TPO: variants seen among roughly 807,000 people sequenced by gnomAD.
The protein encoded by TPO is thyroid peroxidase.
Under a neutral mutation model 96.9 loss-of-function variants are expected in TPO, and 78 were observed. That is an observed-to-expected ratio of 0.81 (90% CI 0.67 to 0.97). The LOEUF is 0.97. Among genes scored for constraint, TPO ranks in the 50% least tolerant of loss-of-function variants. The pLI, the probability that TPO is intolerant of heterozygous loss-of-function variation, is 0.00. For missense variants in TPO, 1,252 were observed against 1,274.8 expected (o/e 0.98, Z 0.27); for synonymous variants, 547 against 538.0 (o/e 1.02, Z -0.23).
At chr2:1,478,187 A>G (rs967239666) in intron 8 of TPO, 76 of 985,308 alleles carry the variant, frequency 7.7e-5, no homozygotes, top group Non-Finnish European at 9.2e-5. Context: ...ATCACATGAG[A>G]GGGTCTTGAA....
chr2:1,524,919 C>A (rs534014050), intron 15 of TPO, among the ~76,000 whole-genome samples: 1 of 136,412 alleles, frequency 7.3e-6, no homozygotes, highest in Non-Finnish European at 1.6e-5. Flanking sequence ...AAATCTCCCC[C>A]GCTGTGTGCA....
chr2:1,446,863 GA>G, intron 5 of TPO, among the ~76,000 whole-genome samples: 1 of 152,158 alleles, frequency 6.6e-6, no homozygotes, highest in Admixed American at 6.5e-5. Flanking sequence ...TTTCTCTGAA[GA>G]ATGTGAAGGT....
chr2:1,378,269 G>T (rs186478801), intron 1 of TPO, among the ~76,000 whole-genome samples: 1 of 152,336 alleles, frequency 6.6e-6, no homozygotes, highest in East Asian at 1.9e-4. Context: ...CCCTTACGTT[G>T]CTGGAGAGCG....
Position 1,488,472 on chromosome 2 carries a change from CT to C in TPO, c.1768+482del, listed in dbSNP as rs753157883. Among the ~76,000 whole-genome samples, 77 of 152,180 alleles carry C rather than the reference CT, an allele frequency of 5.1e-4. 1 individual carries two copies. The highest frequency in any genetic ancestry group is 2.3e-3 in the Admixed American group (35 of 15,288). On this transcript the variant is annotated intron_variant, in intron 10 of 16. Coordinates refer to ENST00000329066, the MANE Select transcript of TPO (RefSeq NM_001206744.2). ...CTGCTCCTCTCAGGCCAGCAGCCCCCTGTGCTCCCCACACCCCACCCGGCTC... is the reference window on the plus strand; with the variant it reads ...CTGCTCCTCTCAGGCCAGCAGCCCCCGTGCTCCCCACACCCCACCCGGCTC...
At chr2:1,498,923 A>C (rs1206431847) in intron 13 of TPO, among the ~76,000 whole-genome samples, 2 of 152,142 alleles carry the variant, frequency 1.3e-5, no homozygotes, top group African/African-American at 4.8e-5. Context: ...TTGGCATTAC[A>C]GTTAAGGAAT....
intron 13 of TPO, among the ~76,000 whole-genome samples, chr2:1,502,262 C>G (rs1672945424): frequency 6.6e-6 from 1 of 152,154 alleles, no homozygotes; most frequent in Admixed American, 6.5e-5. Flanking sequence ...GAAAGACCTT[C>G]TAGGTTTAAC....
At position 1,534,864 on chromosome 2, in the gene TPO, A is replaced by G. The variant is rs56848500; in HGVS notation, c.2619-5730A>G. Among the ~76,000 whole-genome samples the G allele has an allele frequency of 2.3e-5, 2 of 86,284 alleles. 1 individual carries two copies. The highest frequency in any genetic ancestry group is 4.3e-5 in the Non-Finnish European group (2 of 47,042). The allele number at this position is 86,284 out of a possible 152,430, so 56.6% of individuals were successfully genotyped here. A position where few individuals can be genotyped will look rare whatever the true frequency, so the allele number is the denominator to read the frequency against. Reference sequence around the variant, plus strand: ...ACTGTGTGTAACCCCCCCAAATCCCACCACTGTGCACAACCTCCTCTAATC... The same window carrying G: ...ACTGTGTGTAACCCCCCCAAATCCCGCCACTGTGCACAACCTCCTCTAATC... On this transcript the variant is annotated intron_variant, in intron 15 of 16. Coordinates refer to ENST00000329066, the MANE Select transcript of TPO (RefSeq NM_001206744.2).
chr2:1,446,390 A>G (rs1287901014), intron 5 of TPO, among the ~76,000 whole-genome samples: 2 of 152,176 alleles, frequency 1.3e-5, no homozygotes, highest in Non-Finnish European at 2.9e-5. Context: ...GCACTGGTCA[A>G]TGCTTCCAAG....
intron 14 of TPO, chr2:1,512,585 C>A: frequency 4.4e-6 from 3 of 678,474 alleles, no homozygotes; most frequent in Non-Finnish European, 5.5e-6. Context: ...GGGTCCGCCG[C>A]AGAACACGTC....
At chr2:1,392,771 T>A (rs552192696) in intron 1 of TPO, among the ~76,000 whole-genome samples, 1 of 152,292 alleles carries the variant, frequency 6.6e-6, no homozygotes, top group Non-Finnish European at 1.5e-5. Context: ...TATTTTTTAG[T>A]TTATTTGTGT....
At chr2:1,410,479 C>T (rs572946239), upstream of TPO, among the ~76,000 whole-genome samples, 1 of 152,318 alleles carries the variant, frequency 6.6e-6, no homozygotes, top group African/African-American at 2.4e-5. Flanking sequence ...TAGGGAGAGC[C>T]TCTTGTCTGT....
chr2:1,478,818 C>T lies in TPO; in HGVS notation c.1338+1214C>T, dbSNP rs12328533. ...AACGCACACATCCACACAGGAAACA[C>T]GGCAGACGGGCTCACTGTCCTAACA... is the stretch of plus-strand genomic sequence containing the variant. On this transcript the variant is annotated intron_variant, in intron 8 of 16. Coordinates refer to ENST00000329066, the MANE Select transcript of TPO (RefSeq NM_001206744.2). 6.3e-3 allele frequency among the ~76,000 whole-genome samples: 819 copies of T among 129,536 alleles called. 4 individuals are homozygous for T. The highest frequency in any genetic ancestry group is 0.016 in the South Asian group (61 of 3,768). 85.0% of individuals were successfully genotyped at this position (129,536 alleles called of 152,430 possible).
In TPO at chr2:1,534,074, C is replaced by T. The variant is rs1238635795; in HGVS notation, c.2619-6520C>T. ...CCACTGTGTTCAACCTCCCCGAATA[C>T]CCACCACTCTGTGCAACCTCCCCAA... On this transcript the variant is annotated intron_variant, in intron 15 of 16. Transcript: ENST00000329066. Among the ~76,000 whole-genome samples the T allele has an allele frequency of 2.0e-5, 2 of 97,922 alleles. 1 individual carries two copies. Among genetic ancestry groups the T allele is most frequent in the Non-Finnish European group, 4.3e-5 (2 of 46,944 alleles). The allele number at this position is 97,922 out of a possible 152,430, so 64.2% of individuals were successfully genotyped here. A position where few individuals can be genotyped will look rare whatever the true frequency, so the allele number is the denominator to read the frequency against.
At chr2:1,401,139 G>A (rs905936402) in intron 1 of TPO, among the ~76,000 whole-genome samples, 1 of 152,222 alleles carries the variant, frequency 6.6e-6, no homozygotes, top group Non-Finnish European at 1.5e-5. Flanking sequence ...ATCTGTGCCT[G>A]CAGGTTGGCC....
chr2:1,455,247 C>T (rs1417556200), intron 6 of TPO, among the ~76,000 whole-genome samples: 1 of 152,206 alleles, frequency 6.6e-6, no homozygotes, highest in Non-Finnish European at 1.5e-5. Flanking sequence ...ATCGCATCAG[C>T]AGGCTCCAAG....
chr2:1,526,025 T>TA (rs1676396872), intron 15 of TPO, among the ~76,000 whole-genome samples: 1 of 71,278 alleles, frequency 1.4e-5, no homozygotes, highest in Non-Finnish European at 2.7e-5. Context: ...CCTCCCCAAA[T>TA]CCGCCCACTG....
chr2:1,409,614 T>G (rs1420773787), upstream of TPO, among the ~76,000 whole-genome samples: 2 of 152,092 alleles, frequency 1.3e-5, no homozygotes, highest in African/African-American at 4.8e-5. Flanking sequence ...TGATTACATC[T>G]CAGAGCTCAC....
At chr2:1,516,101 G>A (rs570312559) in intron 14 of TPO, among the ~76,000 whole-genome samples, 20 of 152,164 alleles carry the variant, frequency 1.3e-4, no homozygotes, top group African/African-American at 4.6e-4. Context: ...GCCAAGGGCT[G>A]GAGCCCAGGA....
At chr2:1,374,709 T>TTTTC (rs571804414) in intron 1 of TPO, among the ~76,000 whole-genome samples, 7 of 150,176 alleles carry the variant, frequency 4.7e-5, no homozygotes, top group Admixed American at 2.6e-4. Flanking sequence ...TAGAGAAATC[T>TTTTC]TTTCTTTCTT....
Sources: gnomAD v4.1 joint callset for allele counts (sites outside exome capture counted in the v4.1 genomes callset) on GRCh38, gnomAD v4.1.1 for gene constraint, MANE v1.5 for transcripts, NCBI Gene and HGNC (gene_info 2026-07-23, HGNC 2026-07-21) for gene names.